ACOX3: variants seen among roughly 807,000 people sequenced by gnomAD.
ACOX3 encodes the protein acyl-CoA oxidase 3, pristanoyl, also known as peroxisomal acyl-coenzyme A oxidase 3.
A neutral mutation model predicts 81.5 loss-of-function variants in ACOX3; 73 were observed. The ratio of observed to expected loss-of-function variants is 0.90; its 90% CI spans 0.74 to 1.09. ACOX3 has a LOEUF of 1.09. ACOX3 is among the 50% of genes least tolerant of loss of function. The probability of loss-of-function intolerance (pLI) is 0.00; values close to 1 mark genes in which losing one functional copy is unlikely to be tolerated. For missense variants in ACOX3, 947 were observed against 928.0 expected (o/e 1.02, Z -0.27); for synonymous variants, 387 against 375.1 (o/e 1.03, Z -0.37).
intron 1 of ACOX3, among the ~76,000 whole-genome samples, chr4:8,425,347 T>C (rs1003351681): frequency 3.3e-5 from 5 of 151,922 alleles, no homozygotes; most frequent in African/African-American, 4.8e-5. Context: ...AGAAATAGGA[T>C]GGGGAACCTC....
intron 14 of ACOX3, 76 bp from the exon 15 acceptor site, chr4:8,375,228 G>A (rs1716790485): frequency 7.1e-7 from 1 of 1,415,228 alleles, no homozygotes; most frequent in Non-Finnish European, 9.5e-7. Context: ...GAAGTTCTCA[G>A]GAAACACGAA....
chr4:8,408,902 G>GT (rs1721356798), intron 6 of ACOX3, among the ~76,000 whole-genome samples: 4 of 54,566 alleles, frequency 7.3e-5, no homozygotes, highest in Non-Finnish European at 1.2e-4. Context: ...GGGGGGGGGG[G>GT]GTGGGGGGGG....
At chr4:8,375,578 C>T (rs1419164426) in intron 14 of ACOX3, among the ~76,000 whole-genome samples, 2 of 152,218 alleles carry the variant, frequency 1.3e-5, no homozygotes, top group African/African-American at 4.8e-5. Flanking sequence ...AGGGGCTTGT[C>T]AGGCTCCTCC....
chr4:8,407,796 C>A lies in ACOX3; in HGVS notation c.688-1753G>T, dbSNP rs1193864680. Among the ~76,000 whole-genome samples the A allele has an allele frequency of 6.6e-6, 1 of 152,200 alleles. No homozygotes were observed. Among genetic ancestry groups the A allele is most frequent in the South Asian group, 2.1e-4 (1 of 4,830 alleles). Reference sequence around the variant, plus strand: ...ATGGCTGCGCACTGTGGGAACTCGACGGAAGGACGTGGAGCTTCATCCTTG... The same window carrying A: ...ATGGCTGCGCACTGTGGGAACTCGAAGGAAGGACGTGGAGCTTCATCCTTG... On this transcript the variant is annotated intron_variant, in intron 6 of 17. Coordinates refer to ENST00000356406, the MANE Select transcript of ACOX3 (RefSeq NM_003501.3). This position sits in a 1 kb window ranked among gnomAD's most constrained non-coding sequence, Gnocchi z 4.6.
intron 9 of ACOX3, among the ~76,000 whole-genome samples, chr4:8,396,356 C>T (rs752473696): frequency 6.6e-6 from 1 of 152,240 alleles, no homozygotes; most frequent in Admixed American, 6.5e-5. Context: ...GCCGTGCACA[C>T]ACCCACCTCC....
At chr4:8,375,278 A>C in intron 14 of ACOX3, 126 bp from the exon 15 acceptor site, 1 of 941,942 alleles carries the variant, frequency 1.1e-6, no homozygotes, top group South Asian at 1.8e-5. Flanking sequence ...GGACAGTAAC[A>C]TAAGGTGAGG....
chr4:8,389,247 A>AAG lies in ACOX3; in HGVS notation c.1461_1462dup (p.Phe488SerfsTer47), dbSNP rs1457879456. The stretch of plus-strand genomic sequence containing the variant: ...AAGGATGCCGGGATAGGCGTCCAGA[A>AAG]AGTCCACTGACTTCAGCGGACTGCG... On this transcript the variant is annotated frameshift_variant, in exon 13 of 18. Coordinates refer to ENST00000356406, the MANE Select transcript of ACOX3 (RefSeq NM_003501.3). LOFTEE classifies it high-confidence loss of function. This position sits in a 1 kb window ranked among gnomAD's most constrained non-coding sequence, Gnocchi z 5.3. 2 of 1,613,844 alleles carry AAG rather than the reference A, an allele frequency of 1.2e-6. No individual in the cohort carries two copies. Among genetic ancestry groups the AAG allele is most frequent in the Admixed American group, 3.3e-5 (2 of 60,008 alleles).
chr4:8,432,918 C>G lies in ACOX3; in HGVS notation c.-15+7730G>C, dbSNP rs150548771. On this transcript the variant is annotated intron_variant, in intron 1 of 17. Transcript: ENST00000356406. This position sits in a 1 kb window ranked among gnomAD's most constrained non-coding sequence, Gnocchi z 6.2. Reference sequence around the variant, plus strand: ...TAAATACATTCAATTTCCCATAAATCTAATTTAAATCAGTTCCCTAGTTGC... The same window carrying G: ...TAAATACATTCAATTTCCCATAAATGTAATTTAAATCAGTTCCCTAGTTGC... Among the ~76,000 whole-genome samples, 783 of 152,364 alleles carry G rather than the reference C, an allele frequency of 5.1e-3. 4 individuals carry two copies. The highest frequency in any genetic ancestry group is 0.037 in the Middle Eastern group (11 of 294).
chr4:8,362,435 C>T (rs981487454), downstream of ACOX3, among the ~76,000 whole-genome samples: 8 of 152,172 alleles, frequency 5.3e-5, no homozygotes, highest in Non-Finnish European at 1.2e-4. Flanking sequence ...TCTGTTTTCT[C>T]CAGAATTTGG....
Position 8,399,431 on chromosome 4 carries a change from C to A in ACOX3, c.873+125G>T. The A allele has an allele frequency of 2.6e-6, 2 of 784,050 alleles. No individual in the cohort carries two copies. Among genetic ancestry groups the A allele is most frequent in the East Asian group, 2.6e-5 (1 of 37,756 alleles). 48.6% of individuals were successfully genotyped at this position (784,050 alleles called of 1,614,324 possible). A position where few individuals can be genotyped will look rare whatever the true frequency, so the allele number is the denominator to read the frequency against. On this transcript the variant is annotated intron_variant, in intron 8 of 17. Coordinates refer to ENST00000356406, the MANE Select transcript of ACOX3 (RefSeq NM_003501.3). The surrounding 1 kb of genome is among the most constrained non-coding windows in gnomAD (Gnocchi z 4.9). ...CAGAACCCGAGCCAGGAGAAGTATGCCCCAGCGACACCTGGCCTACGTGGA... is the reference window on the plus strand; with the variant it reads ...CAGAACCCGAGCCAGGAGAAGTATGACCCAGCGACACCTGGCCTACGTGGA...
At chr4:8,402,922 C>T (rs968465888) in intron 7 of ACOX3, among the ~76,000 whole-genome samples, 2 of 152,188 alleles carry the variant, frequency 1.3e-5, no homozygotes, top group African/African-American at 4.8e-5. Context: ...TGGAAGGGCC[C>T]CCCAAGCCCA....
chr4:8,389,041 T>G lies in ACOX3; in HGVS notation c.1537+132A>C, dbSNP rs939725607. ...ATGAGCCAGCCCAGGACAAGCTGCA[T>G]GCGGGGCCTCCCACCACCACTGCTG... On this transcript the variant is annotated intron_variant, in intron 13 of 17. Coordinates refer to ENST00000356406, the MANE Select transcript of ACOX3 (RefSeq NM_003501.3). This position sits in a 1 kb window ranked among gnomAD's most constrained non-coding sequence, Gnocchi z 5.3. 1 of 684,516 alleles carries G rather than the reference T, an allele frequency of 1.5e-6. No individual in the cohort carries two copies. The highest frequency in any genetic ancestry group is 2.4e-5 in the Admixed American group (1 of 40,838). The allele number at this position is 684,516 out of a possible 1,614,324, so 42.4% of individuals were successfully genotyped here. A position where few individuals can be genotyped will look rare whatever the true frequency, so the allele number is the denominator to read the frequency against.
rs1717612669 is a variant in ACOX3 at position 8,381,254 on chromosome 4, C to T, written c.1653+238G>A. On this transcript the variant is annotated intron_variant, in intron 14 of 17. Coordinates refer to ENST00000356406, the MANE Select transcript of ACOX3 (RefSeq NM_003501.3). The surrounding 1 kb of genome is among the most constrained non-coding windows in gnomAD (Gnocchi z 4.3). Reference sequence around the variant, plus strand: ...ACCGCTCTGGTTTACGGGCTGGGAACCGTCAGGCACGGTAAATGTAACATC... The same window carrying T: ...ACCGCTCTGGTTTACGGGCTGGGAATCGTCAGGCACGGTAAATGTAACATC... Among the ~76,000 whole-genome samples, 1 of 152,160 alleles carries T rather than the reference C, an allele frequency of 6.6e-6. No individual in the cohort carries two copies. Among genetic ancestry groups the T allele is most frequent in the Non-Finnish European group, 1.5e-5 (1 of 68,034 alleles).
At position 8,392,391 on chromosome 4, in the gene ACOX3, G is replaced by T. The variant is rs774860300; in HGVS notation, c.1242C>A (p.Thr414=). Residue 414 remains threonine (T), a synonymous_variant, in exon 11 of 18, where the codon ACC becomes ACA. Coordinates refer to ENST00000356406, the MANE Select transcript of ACOX3 (RefSeq NM_003501.3). The part of the protein sequence containing the change: ...ASASKPLASW[T]TQQGIQECRE... ...GGCATTCCTGAATTCCTTGCTGGGT[G>T]GTCCACGAGGCCAGGGGCTTGCTGG... 6.2e-7 allele frequency: 1 copy of T among 1,609,396 alleles called. No individual in the cohort carries two copies. The highest frequency in any genetic ancestry group is 2.2e-5 in the East Asian group (1 of 44,480).
In ACOX3 at chr4:8,425,238, C is replaced by CA. The variant is rs545063724; in HGVS notation, c.-14-8704dup. ...GGAACCGCGAAGCAGATACTGAAGC[C>CA]AAAAGAGCCGCAAGGTGGGACCCTC... On this transcript the variant is annotated intron_variant, in intron 1 of 17. Coordinates refer to ENST00000356406, the MANE Select transcript of ACOX3 (RefSeq NM_003501.3). 7.2e-5 allele frequency among the ~76,000 whole-genome samples: 11 copies of CA among 151,998 alleles called. No individual in the cohort carries two copies. In the East Asian group the frequency reaches 1.9e-3, roughly 27 times the overall value.
At chr4:8,424,528 G>A (rs1288985301) in intron 1 of ACOX3, among the ~76,000 whole-genome samples, 1 of 152,234 alleles carries the variant, frequency 6.6e-6, no homozygotes, top group African/African-American at 2.4e-5. Context: ...AGCAGTCTTA[G>A]TATCTGAAGC....
chr4:8,413,536 G>A (rs1449578578), intron 5 of ACOX3, among the ~76,000 whole-genome samples: 5 of 128,284 alleles, frequency 3.9e-5, no homozygotes, highest in Non-Finnish European at 8.0e-5. Context: ...TGCACTGACA[G>A]CCCCAGGGCA....
chr4:8,410,294 T>A lies in ACOX3; in HGVS notation c.605A>T (p.Lys202Met). ...AAACACCACCGCGTGAGTGGCTGTCTTGCCCATGTTGCCAACCCAAAACTT... is the reference window on the plus strand; with the variant it reads ...AAACACCACCGCGTGAGTGGCTGTCATGCCCATGTTGCCAACCCAAAACTT... The part of the protein sequence containing the change: ...AAKFWVGNMG[K>M]TATHAVVFAK... Residue 202 changes from lysine to methionine, a missense_variant, in exon 6 of 18, where the codon AAG (lysine) becomes ATG (methionine). Physicochemically the swap from Lys to Met is moderately conservative, Grantham distance 95. Transcript: ENST00000356406. The A allele has an allele frequency of 6.2e-7, 1 of 1,614,136 alleles. No individual in the cohort carries two copies. Among genetic ancestry groups the A allele is most frequent in the Non-Finnish European group, 8.5e-7 (1 of 1,179,988 alleles).
chr4:8,438,957 T>C (rs1448839793), intron 1 of ACOX3: 2 of 152,198 alleles, frequency 1.3e-5, no homozygotes, highest in East Asian at 1.9e-4. Context: ...CGGCTGAAGC[T>C]TGAAGAAACA....
Sources: allele counts gnomAD v4.1 joint callset (sites outside exome capture counted in the v4.1 genomes callset), GRCh38; gene constraint gnomAD v4.1.1; non-coding constraint Gnocchi (gnomAD v3.1); transcripts MANE v1.5; gene names NCBI Gene and HGNC (gene_info 2026-07-23, HGNC 2026-07-21).